Variants in STX8 observed in about 807,000 individuals in gnomAD.
STX8 encodes the protein syntaxin-8.
In STX8, 23 loss-of-function variants were observed where a neutral mutation model predicts 37.5. The ratio of observed to expected loss-of-function variants is 0.61; its 90% CI spans 0.44 to 0.87. The LOEUF is 0.87. Among genes scored for constraint, STX8 ranks in the 40% least tolerant of loss-of-function variants. The pLI, the probability that STX8 is intolerant of heterozygous loss-of-function variation, is 0.00. For synonymous variants in STX8, 115 were observed against 99.1 expected, an observed-to-expected ratio of 1.16 and a Z score of -0.95; for missense variants, 313 against 284.7, an observed-to-expected ratio of 1.10 and a Z score of -0.71.
intron 5 of STX8, among the ~76,000 whole-genome samples, chr17:9,500,873 C>T (rs547447421): frequency 1.3e-4 from 20 of 152,078 alleles, no homozygotes; most frequent in South Asian, 4.2e-4. Flanking sequence ...CGCGTGGTGG[C>T]GGGCACCTGT....
intron 6 of STX8, among the ~76,000 whole-genome samples, chr17:9,490,365 A>T (rs1367951256): frequency 7.5e-6 from 1 of 132,864 alleles, no homozygotes; most frequent in Non-Finnish European, 1.7e-5. Flanking sequence ...ATGCTTGCTC[A>T]TACATGATAA....
chr17:9,350,774 C>A (rs113229391), intron 7 of STX8, among the ~76,000 whole-genome samples: 22 of 152,174 alleles, frequency 1.4e-4, no homozygotes, highest in African/African-American at 5.3e-4. Context: ...CTCGGGTGAT[C>A]CACCCGCCTT....
At chr17:9,559,761 T>TA (rs1491338614) in intron 2 of STX8, among the ~76,000 whole-genome samples, 36 of 6,170 alleles carry the variant, frequency 5.8e-3, no homozygotes, top group African/African-American at 9.2e-3. Flanking sequence ...TATATATATA[T>TA]TTTTTTTTTT....
At position 9,349,899 on chromosome 17, in the gene STX8, GT is replaced by G. The variant is rs749675394; in HGVS notation, c.643+28652del. Among the ~76,000 whole-genome samples the G allele has an allele frequency of 2.0e-5, 3 of 152,134 alleles. No individual in the cohort carries two copies. The East Asian group carries it at 5.8e-4, about 29-fold the overall frequency. The stretch of plus-strand genomic sequence containing the variant: ...TGGCATGCACCACCACACCGGGCTA[GT>G]TTTTAAATTTTTCTTTTGTAGAGAT... On this transcript the variant is annotated intron_variant, in intron 7 of 7. Coordinates refer to ENST00000306357, the MANE Select transcript of STX8 (RefSeq NM_004853.3).
At chr17:9,517,143 T>A (rs1905180664) in intron 4 of STX8, among the ~76,000 whole-genome samples, 1 of 152,176 alleles carries the variant, frequency 6.6e-6, no homozygotes, top group African/African-American at 2.4e-5. Flanking sequence ...ATAACATCTG[T>A]CTCTGTCACT....
At chr17:9,318,312 C>G (rs1211593556) in intron 7 of STX8, among the ~76,000 whole-genome samples, 1 of 151,434 alleles carries the variant, frequency 6.6e-6, no homozygotes, top group African/African-American at 2.4e-5. Context: ...TGATGTTCCC[C>G]ACCCAGGACA....
At chr17:9,302,908 A>G (rs1908836265) in intron 7 of STX8, among the ~76,000 whole-genome samples, 1 of 151,850 alleles carries the variant, frequency 6.6e-6, no homozygotes, top group South Asian at 2.1e-4. Flanking sequence ...TGGTTGTAGA[A>G]CTATTTATGT....
chr17:9,289,931 T>G (rs1908257533), intron 7 of STX8, among the ~76,000 whole-genome samples: 1 of 152,026 alleles, frequency 6.6e-6, no homozygotes, highest in Non-Finnish European at 1.5e-5. Flanking sequence ...AAACAATGAG[T>G]GATAACTAAC....
At chr17:9,257,407 C>T (rs62069976) in intron 7 of STX8, among the ~76,000 whole-genome samples, 6,304 of 152,162 alleles carry the variant, frequency 0.041, 197 homozygotes, top group African/African-American at 0.082. Flanking sequence ...GTGCTGCCAA[C>T]GCCCCTGCCA....
At chr17:9,569,098 C>G (rs1014962649) in intron 1 of STX8, among the ~76,000 whole-genome samples, 8 of 152,218 alleles carry the variant, frequency 5.3e-5, no homozygotes, top group African/African-American at 1.9e-4. Flanking sequence ...CCAAGGCCGT[C>G]TGGCCCCAGA....
intron 5 of STX8, among the ~76,000 whole-genome samples, chr17:9,492,805 T>C (rs1906910789): frequency 6.6e-6 from 1 of 152,082 alleles, no homozygotes; most frequent in South Asian, 2.1e-4. Flanking sequence ...TTTAAAAAAT[T>C]AGCCAGGCAG....
chr17:9,381,144 A>G (rs1436380500), intron 6 of STX8, among the ~76,000 whole-genome samples: 2 of 152,208 alleles, frequency 1.3e-5, no homozygotes, highest in Non-Finnish European at 2.9e-5. Flanking sequence ...GTTTTGTGTG[A>G]GTACACTCCA....
At chr17:9,514,256 A>G (rs1308720864) in intron 4 of STX8, among the ~76,000 whole-genome samples, 2 of 152,350 alleles carry the variant, frequency 1.3e-5, no homozygotes, top group South Asian at 2.1e-4. Context: ...TATTACATGT[A>G]TGAAAACATC....
chr17:9,345,846 TC>T (rs1205743298), intron 7 of STX8, among the ~76,000 whole-genome samples: 1 of 116,502 alleles, frequency 8.6e-6, no homozygotes, highest in African/African-American at 3.3e-5. Context: ...GGTTATGCAT[TC>T]CTTTTTTTTT....
intron 4 of STX8, among the ~76,000 whole-genome samples, chr17:9,528,213 CAAACAGCCAATCCTGGTTACT>C (rs1205515043): frequency 6.6e-6 from 1 of 152,128 alleles, no homozygotes; most frequent in Non-Finnish European, 1.5e-5. Context: ...AGGGAAACTC[CAAACAGCCAATCCTGGTTACT>C]TGAGGAGAAA....
intron 7 of STX8, among the ~76,000 whole-genome samples, chr17:9,315,685 C>T (rs1045906743): frequency 5.9e-5 from 9 of 152,096 alleles, no homozygotes; most frequent in African/African-American, 2.2e-4. Flanking sequence ...CTATCGGAGG[C>T]TATGCTTCCC....
intron 6 of STX8, among the ~76,000 whole-genome samples, chr17:9,446,937 G>C (rs1904873222): frequency 6.6e-6 from 1 of 152,150 alleles, no homozygotes; most frequent in African/African-American, 2.4e-5. Flanking sequence ...ATCTTGATTT[G>C]ATAGGATTTA....
At chr17:9,414,638 G>T (rs1913113516) in intron 6 of STX8, among the ~76,000 whole-genome samples, 2 of 152,098 alleles carry the variant, frequency 1.3e-5, no homozygotes, top group Admixed American at 1.3e-4. Flanking sequence ...AGGTGTCACA[G>T]GGTGAGACCG....
Position 9,354,572 on chromosome 17 carries a change from G to A in STX8, c.643+23980C>T, listed in dbSNP as rs143622109. ...CCTAATCTCATGATCCGCCTGCCTC[G>A]GCCTCCCAAAGTGCTGGGATTACAG... On this transcript the variant is annotated intron_variant, in intron 7 of 7. Transcript: ENST00000306357. 6.1e-3 allele frequency among the ~76,000 whole-genome samples: 917 copies of A among 151,570 alleles called. 14 individuals carry two copies. Among genetic ancestry groups the A allele is most frequent in the African/African-American group, 0.02 (843 of 41,332 alleles).
Sources: gnomAD v4.1 joint callset for allele counts (sites outside exome capture counted in the v4.1 genomes callset) on GRCh38, gnomAD v4.1.1 for gene constraint, MANE v1.5 for transcripts, NCBI Gene and HGNC (gene_info 2026-07-23, HGNC 2026-07-21) for gene names.